The following SHISA9 variants were observed in gnomAD, a reference collection of about 807,000 sequenced individuals.
SHISA9 encodes the protein shisa family member 9, also known as protein shisa-9.
Under a neutral mutation model 38.0 loss-of-function variants are expected in SHISA9, and 13 were observed. The observed-to-expected ratio is 0.34, with a 90% CI of 0.22 to 0.54. SHISA9 has a LOEUF of 0.54. Among genes scored for constraint, SHISA9 ranks in the 20% least tolerant of loss-of-function variants. SHISA9 has a pLI of 0.91. For synonymous variants in SHISA9, 275 were observed against 242.0 expected (o/e 1.14, Z -1.27); for missense variants, 538 against 575.8 (o/e 0.93, Z 0.67).
intron 3 of SHISA9, among the ~76,000 whole-genome samples, chr16:13,212,587 T>C (rs1358969242): frequency 1.3e-5 from 2 of 152,230 alleles, no homozygotes; most frequent in Non-Finnish European, 1.5e-5. Context: ...GATTCTCAGA[T>C]AACAAGCTTG....
the SHISA9 span, among the ~76,000 whole-genome samples, chr16:13,267,845 C>T: frequency 2.0e-5 from 3 of 149,544 alleles, no homozygotes; most frequent in South Asian, 6.4e-4. Flanking sequence ...TGTACATTGC[C>T]TGAGAGGGGG....
At chr16:12,987,165 TG>T (rs2072322056) in intron 2 of SHISA9, among the ~76,000 whole-genome samples, 1 of 152,208 alleles carries the variant, frequency 6.6e-6, no homozygotes, top group Non-Finnish European at 1.5e-5. Flanking sequence ...GCTAAAGAGC[TG>T]TTGTCTTTCA....
At chr16:13,101,196 T>C (rs1453613407) in intron 2 of SHISA9, among the ~76,000 whole-genome samples, 1 of 152,232 alleles carries the variant, frequency 6.6e-6, no homozygotes, top group Non-Finnish European at 1.5e-5. Context: ...TGTACAGCCA[T>C]GTGACCATTG....
intron 2 of SHISA9, among the ~76,000 whole-genome samples, chr16:13,146,346 T>G (rs772668265): frequency 3.3e-5 from 5 of 152,200 alleles, no homozygotes; most frequent in Admixed American, 6.5e-5. Context: ...GGAAGTTAGG[T>G]GCATAGCTTT....
chr16:13,147,045 T>C (rs755307955), intron 2 of SHISA9, among the ~76,000 whole-genome samples: 3 of 151,868 alleles, frequency 2.0e-5, no homozygotes, highest in African/African-American at 4.8e-5. Context: ...TGAGTGAGTA[T>C]AGTATAATGT....
the SHISA9 span, among the ~76,000 whole-genome samples, chr16:13,539,117 G>A: frequency 6.6e-6 from 1 of 151,368 alleles, no homozygotes; most frequent in Non-Finnish European, 1.5e-5. Flanking sequence ...ATAAGGTCCA[G>A]CAACAAATGC....
intron 3 of SHISA9, among the ~76,000 whole-genome samples, chr16:13,210,520 A>G (rs1351386379): frequency 6.6e-6 from 1 of 152,240 alleles, no homozygotes; most frequent in Non-Finnish European, 1.5e-5. Context: ...GCATTTTCCA[A>G]TAGCACTTTT....
downstream of SHISA9, among the ~76,000 whole-genome samples, chr16:13,244,882 T>C (rs530495913): frequency 6.6e-6 from 1 of 152,330 alleles, no homozygotes; most frequent in South Asian, 2.1e-4. Context: ...AAGTCCCAGG[T>C]CGGTGCTAAT....
intron 2 of SHISA9, among the ~76,000 whole-genome samples, chr16:12,959,746 G>A (rs1028993506): frequency 4.6e-5 from 7 of 152,186 alleles, no homozygotes; most frequent in Admixed American, 2.0e-4. Flanking sequence ...GCAAATGAGT[G>A]GCAGAGCCAA....
At chr16:13,063,454 AC>A (rs2073399581) in intron 2 of SHISA9, among the ~76,000 whole-genome samples, 1 of 152,122 alleles carries the variant, frequency 6.6e-6, no homozygotes, top group Non-Finnish European at 1.5e-5. Context: ...GTTCACCATC[AC>A]CATTATTATC....
chr16:13,314,601 C>T, the SHISA9 span, among the ~76,000 whole-genome samples: 1 of 152,018 alleles, frequency 6.6e-6, no homozygotes, highest in Non-Finnish European at 1.5e-5. Context: ...AAAAAACGTG[C>T]ATACATTTAA....
intron 1 of SHISA9, 54 bp from the exon 2 acceptor site, chr16:12,916,634 A>T (rs531690103): frequency 6.5e-7 from 1 of 1,530,900 alleles, no homozygotes; most frequent in African/African-American, 1.4e-5. Context: ...GGCGCATAGC[A>T]GCTGCCAGTC....
At chr16:13,054,362 T>C (rs1380745570) in intron 2 of SHISA9, among the ~76,000 whole-genome samples, 1 of 152,236 alleles carries the variant, frequency 6.6e-6, no homozygotes, top group Non-Finnish European at 1.5e-5. Flanking sequence ...CCTCAGTGAC[T>C]GTTACCCTCC....
the SHISA9 span, among the ~76,000 whole-genome samples, chr16:13,287,713 C>T: frequency 1.2e-4 from 18 of 152,066 alleles, no homozygotes; most frequent in Non-Finnish European, 2.4e-4. Flanking sequence ...AGAGCATAGA[C>T]TGGATCACAA....
the SHISA9 span, among the ~76,000 whole-genome samples, chr16:13,395,023 G>A: frequency 2.0e-5 from 3 of 151,392 alleles, no homozygotes; most frequent in Non-Finnish European, 4.4e-5. Flanking sequence ...GAAATCCTAA[G>A]AAATTCTAGT....
chr16:13,142,851 C>G (rs1390689702), intron 2 of SHISA9, among the ~76,000 whole-genome samples: 1 of 152,046 alleles, frequency 6.6e-6, no homozygotes, highest in Non-Finnish European at 1.5e-5. Context: ...ATTCAGGATG[C>G]TATAGAGACT....
At chr16:13,035,208 T>G (rs2073040080) in intron 2 of SHISA9, among the ~76,000 whole-genome samples, 1 of 152,216 alleles carries the variant, frequency 6.6e-6, no homozygotes, top group African/African-American at 2.4e-5. Context: ...CTATGCAGCA[T>G]ACAACTATGT....
At chr16:13,211,066 G>C (rs1408788974) in intron 3 of SHISA9, among the ~76,000 whole-genome samples, 2 of 151,908 alleles carry the variant, frequency 1.3e-5, no homozygotes, top group Non-Finnish European at 2.9e-5. Flanking sequence ...GGAGGCCAAA[G>C]CAGACAGATC....
the SHISA9 span, among the ~76,000 whole-genome samples, chr16:13,318,193 A>G: frequency 6.6e-6 from 1 of 152,150 alleles, no homozygotes; most frequent in Non-Finnish European, 1.5e-5. Flanking sequence ...TACTATTGAC[A>G]TTTTATCAAT....
Sources: allele counts gnomAD v4.1 joint callset (sites outside exome capture counted in the v4.1 genomes callset), GRCh38; gene constraint gnomAD v4.1.1; transcripts MANE v1.5; gene names NCBI Gene and HGNC (gene_info 2026-07-23, HGNC 2026-07-21).